PDE1A: variants seen among roughly 807,000 people sequenced by gnomAD.
The protein encoded by PDE1A is phosphodiesterase 1A.
In PDE1A, 35 loss-of-function variants were observed where a neutral mutation model predicts 61.7. That is an observed-to-expected ratio of 0.57 (90% CI 0.43 to 0.75). The LOEUF (loss-of-function observed/expected upper bound fraction) is 0.75, where lower values mean the gene tolerates loss of function less well. Among genes scored for constraint, PDE1A ranks in the 30% least tolerant of loss-of-function variants. The probability of loss-of-function intolerance (pLI) is 0.00; values close to 1 mark genes in which losing one functional copy is unlikely to be tolerated. For missense variants in PDE1A, 597 were observed against 630.6 expected, an observed-to-expected ratio of 0.95 and a Z score of 0.57; for synonymous variants, 232 against 213.2, an observed-to-expected ratio of 1.09 and a Z score of -0.77.
chr2:182,358,706 A>T (rs1006827441), intron 1 of PDE1A, among the ~76,000 whole-genome samples: 3 of 152,166 alleles, frequency 2.0e-5, no homozygotes, highest in African/African-American at 7.2e-5. Flanking sequence ...GACAGGCAGG[A>T]TCCTAAGCAA....
chr2:182,553,450 G>A, the PDE1A span, among the ~76,000 whole-genome samples: 24 of 152,138 alleles, frequency 1.6e-4, no homozygotes, highest in African/African-American at 5.8e-4. Flanking sequence ...GGCTGGTCTC[G>A]AGCTCCTGAC....
chr2:182,386,456 C>CAGCT (rs1701090665), intron 1 of PDE1A, among the ~76,000 whole-genome samples: 1 of 151,486 alleles, frequency 6.6e-6, no homozygotes, highest in African/African-American at 2.4e-5. Context: ...TCTGCCCCGG[C>CAGCT]GCCCTGTCTG....
At chr2:182,672,973 G>A in the PDE1A span, among the ~76,000 whole-genome samples, 2 of 152,118 alleles carry the variant, frequency 1.3e-5, no homozygotes, top group South Asian at 2.1e-4. Flanking sequence ...TAGTTATCAC[G>A]TGACTCATAG....
the PDE1A span, among the ~76,000 whole-genome samples, chr2:182,707,355 A>C: frequency 6.6e-6 from 1 of 152,186 alleles, no homozygotes; most frequent in African/African-American, 2.4e-5. Context: ...AATCAAAAGC[A>C]GATTATTTGA....
chr2:182,144,193 A>C (rs1207980380), downstream of PDE1A, among the ~76,000 whole-genome samples: 2 of 152,222 alleles, frequency 1.3e-5, no homozygotes. Context: ...AAGAGTAGAC[A>C]CCGGTCGTGA....
At chr2:182,683,516 T>C in the PDE1A span, among the ~76,000 whole-genome samples, 4 of 152,092 alleles carry the variant, frequency 2.6e-5, no homozygotes, top group Non-Finnish European at 4.4e-5. Flanking sequence ...TATACAAGTA[T>C]GGGAAAAAGA....
chr2:182,634,250 T>C, the PDE1A span, among the ~76,000 whole-genome samples: 2 of 152,200 alleles, frequency 1.3e-5, no homozygotes, highest in Non-Finnish European at 2.9e-5. Context: ...GTACATTTAT[T>C]TTCTAGTTTT....
chr2:182,557,477 C>G, the PDE1A span, among the ~76,000 whole-genome samples: 1 of 151,862 alleles, frequency 6.6e-6, no homozygotes, highest in Admixed American at 6.6e-5. Flanking sequence ...TTTGGGAGGC[C>G]AAGGTGGGCA....
At chr2:182,582,165 T>G in the PDE1A span, among the ~76,000 whole-genome samples, 52,400 of 152,044 alleles carry the variant, frequency 0.34, 10,403 homozygotes, top group East Asian at 0.56. Flanking sequence ...AATGCAAAGG[T>G]GGCAAGGATC....
chr2:182,458,048 A>T (rs965205340), intron 2 of PDE1A, among the ~76,000 whole-genome samples: 1 of 152,104 alleles, frequency 6.6e-6, no homozygotes, highest in Non-Finnish European at 1.5e-5. Flanking sequence ...GCAAATGTAC[A>T]TAAAAAATAC....
chr2:182,644,043 T>G, the PDE1A span, among the ~76,000 whole-genome samples: 1 of 151,482 alleles, frequency 6.6e-6, no homozygotes, highest in Non-Finnish European at 1.5e-5. Context: ...CACTACAGTT[T>G]GCCTCAAGTG....
At chr2:182,230,512 T>A (rs1432517) in intron 5 of PDE1A, among the ~76,000 whole-genome samples, 101,102 of 151,960 alleles carry the variant, frequency 0.67, 33,719 homozygotes, top group South Asian at 0.76. Flanking sequence ...AAATAGATTA[T>A]CTCTCAGTAC....
chr2:182,462,962 C>T (rs995204770), intron 2 of PDE1A, among the ~76,000 whole-genome samples: 11 of 152,148 alleles, frequency 7.2e-5, no homozygotes, highest in Admixed American at 6.6e-4. Context: ...AAGGGTAGGC[C>T]GGGTGCGGTG....
At chr2:182,453,570 T>C (rs866086748) in intron 2 of PDE1A, among the ~76,000 whole-genome samples, 3 of 152,096 alleles carry the variant, frequency 2.0e-5, no homozygotes, top group African/African-American at 7.2e-5. Flanking sequence ...TTATCCACCA[T>C]GATCAAGTGG....
chr2:182,474,402 G>A (rs976816993), intron 2 of PDE1A, among the ~76,000 whole-genome samples: 2 of 151,874 alleles, frequency 1.3e-5, no homozygotes, highest in African/African-American at 4.8e-5. Context: ...TTTACTCAAG[G>A]AGGCCAAAAG....
intron 1 of PDE1A, among the ~76,000 whole-genome samples, chr2:182,353,962 G>A (rs1277016514): frequency 3.3e-5 from 5 of 152,012 alleles, no homozygotes; most frequent in African/African-American, 7.2e-5. Context: ...TCTATGTACT[G>A]TATACCTTTG....
At chr2:182,295,321 G>C (rs1374889220) in intron 1 of PDE1A, among the ~76,000 whole-genome samples, 2 of 151,682 alleles carry the variant, frequency 1.3e-5, no homozygotes, top group Non-Finnish European at 2.9e-5. Context: ...TGATCCACCC[G>C]CCTCGGCCTC....
chr2:182,538,306 C>T, the PDE1A span, among the ~76,000 whole-genome samples: 4 of 152,102 alleles, frequency 2.6e-5, no homozygotes, highest in Admixed American at 6.5e-5. Flanking sequence ...GAGACTGTGC[C>T]TCTCTTGCTT....
At chr2:182,209,061 T>C (rs1204466542) in intron 7 of PDE1A, among the ~76,000 whole-genome samples, 3 of 152,132 alleles carry the variant, frequency 2.0e-5, no homozygotes, top group Admixed American at 6.5e-5. Flanking sequence ...GGACATGTGA[T>C]TCAGGAGGGG....
Sources: allele counts gnomAD v4.1 joint callset (sites outside exome capture counted in the v4.1 genomes callset), GRCh38; gene constraint gnomAD v4.1.1; transcripts MANE v1.5; gene names NCBI Gene and HGNC (gene_info 2026-07-23, HGNC 2026-07-21).